The following CA10 variants were observed in gnomAD, a reference collection of about 807,000 sequenced individuals.
CA10 encodes the protein carbonic anhydrase-related protein 10.
Under a neutral mutation model 44.2 loss-of-function variants are expected in CA10, and 14 were observed. That is an observed-to-expected ratio of 0.32 (90% CI 0.21 to 0.50). The LOEUF is 0.50. CA10 is among the 20% of genes least tolerant of loss of function. CA10 has a pLI of 0.99. For missense variants in CA10, 350 were observed against 409.7 expected (o/e 0.85, Z 1.26); for synonymous variants, 159 against 141.6 (o/e 1.12, Z -0.87).
intron 4 of CA10, among the ~76,000 whole-genome samples, chr17:51,654,072 T>C (rs1038974951): frequency 2.0e-5 from 3 of 152,240 alleles, no homozygotes. Context: ...GGAACTGCCC[T>C]GTAGGGGTGG....
At chr17:51,760,676 C>T (rs748706425) in intron 3 of CA10, among the ~76,000 whole-genome samples, 7 of 152,158 alleles carry the variant, frequency 4.6e-5, no homozygotes, top group Non-Finnish European at 8.8e-5. Flanking sequence ...AAATGAAAGA[C>T]TCTGTAGACA....
intron 2 of CA10, among the ~76,000 whole-genome samples, chr17:52,014,633 A>C (rs1247322661): frequency 6.6e-6 from 1 of 152,084 alleles, no homozygotes; most frequent in African/African-American, 2.4e-5. Context: ...GTGACATATT[A>C]ACATTTTAAA....
At chr17:51,652,352 T>C (rs1160305396) in intron 5 of CA10, among the ~76,000 whole-genome samples, 2 of 152,262 alleles carry the variant, frequency 1.3e-5, no homozygotes, top group Admixed American at 6.5e-5. Flanking sequence ...CCAGGGTTTG[T>C]GATGATGCCA....
chr17:52,128,323 C>T (rs1282032353), intron 1 of CA10, among the ~76,000 whole-genome samples: 1 of 152,160 alleles, frequency 6.6e-6, no homozygotes, highest in Non-Finnish European at 1.5e-5. Context: ...TCTCCAAGAC[C>T]ATTTCAAAAA....
intron 6 of CA10, among the ~76,000 whole-genome samples, chr17:51,648,139 T>C (rs1913413475): frequency 6.6e-6 from 1 of 152,180 alleles, no homozygotes; most frequent in African/African-American, 2.4e-5. Context: ...CTCCATACTC[T>C]CCCTTGGCAG....
chr17:52,067,208 C>T (rs1051638406), intron 2 of CA10, among the ~76,000 whole-genome samples: 1 of 152,228 alleles, frequency 6.6e-6, no homozygotes, highest in Admixed American at 6.5e-5. Flanking sequence ...CTGGGCTGGG[C>T]CCAAGGCCTA....
At chr17:51,786,796 A>T (rs1906305753) in intron 3 of CA10, among the ~76,000 whole-genome samples, 1 of 152,154 alleles carries the variant, frequency 6.6e-6, no homozygotes, top group African/African-American at 2.4e-5. Flanking sequence ...ATTCAGTATG[A>T]TACTAGATGT....
chr17:52,003,570 T>C (rs1985501710), intron 2 of CA10, among the ~76,000 whole-genome samples: 1 of 151,992 alleles, frequency 6.6e-6, no homozygotes, highest in South Asian at 2.1e-4. Flanking sequence ...ATTTTTAGGC[T>C]ACAATTTTGA....
chr17:51,961,197 A>T lies in CA10; in HGVS notation c.137-30065T>A, dbSNP rs866621606. On this transcript the variant is annotated intron_variant, in intron 2 of 8. Coordinates refer to ENST00000451037, the MANE Select transcript of CA10 (RefSeq NM_020178.5). Reference sequence around the variant, plus strand: ...TCTGTATGTACACACAAACACACACACACACACACACACACACACACACAC... The same window carrying T: ...TCTGTATGTACACACAAACACACACTCACACACACACACACACACACACAC... Among the ~76,000 whole-genome samples the T allele has an allele frequency of 9.1e-3, 1,354 of 148,612 alleles. 21 individuals are homozygous for T. The highest frequency in any genetic ancestry group is 0.031 in the African/African-American group (1,267 of 40,366).
In CA10 at chr17:51,641,136, TCTCTCTCTCTCTCAG is replaced by T. The variant is rs1255785963; in HGVS notation, c.635-5142_635-5128del. Among the ~76,000 whole-genome samples, 26 of 148,472 alleles carry T rather than the reference TCTCTCTCTCTCTCAG, an allele frequency of 1.8e-4. No homozygotes were observed. In the East Asian group the frequency reaches 2.0e-3, roughly 11 times the overall value. ...TTTCTCTACCTATCCCCTCTTTCTCTCTCTCTCTCTCTCAGCTCTCTCTCTCTCTCCTCTCTCTCT... is the reference window on the plus strand; with the variant it reads ...TTTCTCTACCTATCCCCTCTTTCTCTCTCTCTCTCTCTCTCCTCTCTCTCT... On this transcript the variant is annotated intron_variant, in intron 6 of 8. Coordinates refer to ENST00000451037, the MANE Select transcript of CA10 (RefSeq NM_020178.5).
At position 51,776,533 on chromosome 17, in the gene CA10, C is replaced by G. The variant is rs73987196; in HGVS notation, c.280-28715G>C. The stretch of plus-strand genomic sequence containing the variant: ...CAAAATAAAAATTATTAATATTTTA[C>G]ATGCATTTTTAATACAAAGTCTCCA... On this transcript the variant is annotated intron_variant, in intron 3 of 8. Transcript: ENST00000451037. Among the ~76,000 whole-genome samples, 374 of 152,194 alleles carry G rather than the reference C, an allele frequency of 2.5e-3. 2 individuals are homozygous for G. Among genetic ancestry groups the G allele is most frequent in the African/African-American group, 7.4e-3 (309 of 41,542 alleles).
intron 2 of CA10, among the ~76,000 whole-genome samples, chr17:52,014,246 T>A (rs879070770): frequency 2.0e-5 from 3 of 151,880 alleles, no homozygotes; most frequent in African/African-American, 4.8e-5. Flanking sequence ...TGACTAATCA[T>A]GCCAGCTGAC....
chr17:52,138,836 A>G (rs898304903), intron 1 of CA10, among the ~76,000 whole-genome samples: 10 of 152,152 alleles, frequency 6.6e-5, no homozygotes, highest in African/African-American at 2.4e-4. Flanking sequence ...TGCTTTAATA[A>G]AAAATTTTTT....
At chr17:51,865,407 A>T (rs537233345) in intron 3 of CA10, among the ~76,000 whole-genome samples, 1 of 152,298 alleles carries the variant, frequency 6.6e-6, no homozygotes, top group South Asian at 2.1e-4. Flanking sequence ...GAATCTACTA[A>T]ACAGGGGGTT....
chr17:51,947,248 G>T (rs1010859702), intron 2 of CA10, among the ~76,000 whole-genome samples: 4 of 79,930 alleles, frequency 5.0e-5, no homozygotes, highest in Non-Finnish European at 8.0e-5. Context: ...AAAAAAAAAA[G>T]CCAAAAACCT....
At chr17:51,747,942 T>C in intron 3 of CA10, 124 bp from the exon 4 acceptor site, 1 of 697,112 alleles carries the variant, frequency 1.4e-6, no homozygotes, top group Non-Finnish European at 2.4e-6. Flanking sequence ...TAAATCCACA[T>C]GTGGAGTAGG....
chr17:51,916,793 C>T (rs1982017288), intron 3 of CA10, among the ~76,000 whole-genome samples: 1 of 152,180 alleles, frequency 6.6e-6, no homozygotes, highest in African/African-American at 2.4e-5. Context: ...TCCCCTGCCC[C>T]TCATCTTTGG....
chr17:52,122,030 C>T (rs1420189087), intron 1 of CA10, among the ~76,000 whole-genome samples: 1 of 152,152 alleles, frequency 6.6e-6, no homozygotes, highest in Non-Finnish European at 1.5e-5. Context: ...AGCAAATATC[C>T]TTTTATGCAC....
chr17:52,129,853 A>T (rs1394913216), intron 1 of CA10, among the ~76,000 whole-genome samples: 1 of 152,242 alleles, frequency 6.6e-6, no homozygotes, highest in Non-Finnish European at 1.5e-5. Context: ...AAAAGGAAAC[A>T]GTCAACAGAA....
Sources: gnomAD v4.1 joint callset for allele counts (sites outside exome capture counted in the v4.1 genomes callset) on GRCh38, gnomAD v4.1.1 for gene constraint, MANE v1.5 for transcripts, NCBI Gene and HGNC (gene_info 2026-07-23, HGNC 2026-07-21) for gene names.